Variants in ITGAD observed in about 807,000 individuals in gnomAD.
ITGAD encodes the protein integrin alpha-D.
Under a neutral mutation model 139.0 loss-of-function variants are expected in ITGAD, and 105 were observed. That is an observed-to-expected ratio of 0.76 (90% CI 0.65 to 0.89). The LOEUF is 0.89. Ranked by LOEUF, ITGAD falls within the 40% of genes least tolerant of loss-of-function variation. The pLI, the probability that ITGAD is intolerant of heterozygous loss-of-function variation, is 0.00. For missense variants in ITGAD, 1,384 were observed against 1,487.3 expected, an observed-to-expected ratio of 0.93 and a Z score of 1.14; for synonymous variants, 569 against 598.3, an observed-to-expected ratio of 0.95 and a Z score of 0.71.
chr16:31,393,448 C>A, intron 1 of ITGAD, 57 bp downstream of exon 1: 1 of 1,590,582 alleles, frequency 6.3e-7, no homozygotes, highest in Non-Finnish European at 8.6e-7. Context: ...GGGACTCCAT[C>A]TGGGAGGGCA....
chr16:31,411,147 C>T lies in ITGAD; in HGVS notation c.1428C>T (p.Leu476=), dbSNP rs765386741. 3 of 1,613,982 alleles carry T rather than the reference C, an allele frequency of 1.9e-6. No homozygotes were observed. The highest frequency in any genetic ancestry group is 1.7e-6 in the Non-Finnish European group (2 of 1,179,952). The change falls in exon 13 of 30, where the codon CTC becomes CTT. Residue 476 remains leucine, a synonymous_variant. Coordinates refer to ENST00000389202, the MANE Select transcript of ITGAD (RefSeq NM_005353.3). ...VDSDGSTDLI[L]IGAPHYYEQT... ...GCGATGGCAGCACCGACCTGATCCT[C>T]ATTGGGGCCCCCCATTACTATGAGC...
Position 31,411,100 on chromosome 16 carries a change from C to T in ITGAD, c.1381C>T (p.Leu461Phe). The T allele has an allele frequency of 6.2e-7, 1 of 1,612,652 alleles. No homozygotes were observed. The highest frequency in any genetic ancestry group is 8.5e-7 in the Non-Finnish European group (1 of 1,179,782). The change falls in exon 13 of 30, where the codon CTC becomes TTC. Residue 461 changes from leucine (L) to phenylalanine (F), a missense_variant. By Grantham distance (22) the Leu-to-Phe change is conservative. Transcript: ENST00000389202. ...TQIGSYFGAS[L>F]CSVDVDSDGS... ...GATCGGCTCCTACTTCGGGGCCTCC[C>T]TCTGCTCTGTGGATGTGGACAGCGA...
rs1597095031 is a variant in ITGAD, at chr16:31,393,382, C to T, written c.22C>T (p.Leu8Phe). The change falls in exon 1 of 30, where the codon CTT (leucine) becomes TTT (phenylalanine). Residue 8 changes from leucine (L) to phenylalanine (F), a missense_variant. By Grantham distance (22) the Leu-to-Phe change is conservative. Coordinates refer to ENST00000389202, the MANE Select transcript of ITGAD (RefSeq NM_005353.3). ...AGGGATGACCTTCGGCACTGTGCTT[C>T]TTCTGAGTGGTAAGTGGGGCCAGGG... MTFGTVL[L>F]LSVLASYHGF... 1 of 1,614,078 alleles carries T rather than the reference C, an allele frequency of 6.2e-7. No individual in the cohort carries two copies. Among genetic ancestry groups the T allele is most frequent in the East Asian group, 2.2e-5 (1 of 44,864 alleles).
rs770537634 is a variant in ITGAD, at chr16:31,397,895, C to T, written c.413C>T (p.Pro138Leu). ...CGCTGGGAGATCATCCAGACAGTCC[C>T]CGACGCCACGCCAGGTAGGTCCCTG... is the stretch of plus-strand genomic sequence containing the variant. Reference protein sequence around the residue: ...GSRWEIIQTVPDATPECPHQE... With the variant: ...GSRWEIIQTVLDATPECPHQE... The change falls in exon 5 of 30, where the codon CCC (proline) becomes CTC (leucine). Residue 138 changes from proline (P) to leucine (L), a missense_variant. Coordinates refer to ENST00000389202, the MANE Select transcript of ITGAD (RefSeq NM_005353.3). 4 of 1,612,276 alleles carry T rather than the reference C, an allele frequency of 2.5e-6. No homozygotes were observed. In the South Asian group the frequency reaches 4.4e-5, roughly 18 times the overall value.
In ITGAD at chr16:31,411,398, G is replaced by GAC. The variant is rs2081707681; in HGVS notation, c.1588_1589insAC (p.Val530AspfsTer2). On this transcript the variant is annotated frameshift_variant, in exon 14 of 30. Transcript: ENST00000389202. LOFTEE classifies it high-confidence loss of function. ...GGCAGCCCTGACAGTGTTGGGGGAT[G>GAC]TGAATGAGGACAAGCTGATAGACGT... The GAC allele has an allele frequency of 4.3e-6, 7 of 1,614,150 alleles. No homozygotes were observed. Among genetic ancestry groups the GAC allele is most frequent in the Non-Finnish European group, 5.9e-6 (7 of 1,180,010 alleles).
intron 9 of ITGAD, 46 bp from the exon 10 acceptor site, chr16:31,408,379 T>C (rs1423616448): frequency 4.6e-6 from 7 of 1,513,086 alleles, no homozygotes; most frequent in Non-Finnish European, 5.5e-6. Flanking sequence ...TGAGTCCTCA[T>C]GGGTCTCATG....
intron 18 of ITGAD, among the ~76,000 whole-genome samples, chr16:31,415,192 C>A (rs1439001488): frequency 6.6e-6 from 1 of 152,122 alleles, no homozygotes; most frequent in Non-Finnish European, 1.5e-5. Flanking sequence ...CTCCTGGTCC[C>A]AGCTGCTGCC....
At position 31,394,277 on chromosome 16, in the gene ITGAD, C is replaced by A. The variant is rs1429185321; in HGVS notation, c.73C>A (p.Pro25Thr). 6.2e-7 allele frequency: 1 copy of A among 1,613,980 alleles called. No homozygotes were observed. Among genetic ancestry groups the A allele is most frequent in the Non-Finnish European group, 8.5e-7 (1 of 1,179,940 alleles). Reference protein sequence around the residue: ...YHGFNLDVEEPTIFQEDAGGF... With the variant: ...YHGFNLDVEETTIFQEDAGGF... ...TGGATTCAACCTGGATGTGGAGGAGCCTACGATCTTCCAGGAGGATGCAGG... is the reference window on the plus strand; with the variant it reads ...TGGATTCAACCTGGATGTGGAGGAGACTACGATCTTCCAGGAGGATGCAGG... Residue 25 changes from proline (P) to threonine (T), a missense_variant, in exon 2 of 30, where the codon CCT becomes ACT. Transcript: ENST00000389202.
At chr16:31,413,025 C>T in intron 15 of ITGAD, 57 bp downstream of exon 15, 1 of 1,605,074 alleles carries the variant, frequency 6.2e-7, no homozygotes, top group Non-Finnish European at 8.5e-7. Flanking sequence ...CCGGTGCTGC[C>T]TCCCCAGCCA....
At chr16:31,412,749 AC>A in intron 14 of ITGAD, 88 bp from the exon 15 acceptor site, 1 of 1,546,684 alleles carries the variant, frequency 6.5e-7, no homozygotes, top group Non-Finnish European at 8.9e-7. Flanking sequence ...TCCCTTTGCC[AC>A]CATCCTACCT....
At chr16:31,424,678 A>C in intron 29 of ITGAD, 101 bp downstream of exon 29, 1 of 673,016 alleles carries the variant, frequency 1.5e-6, no homozygotes, top group Non-Finnish European at 2.4e-6. Flanking sequence ...GCTCACTGCA[A>C]CCTCCACCTC....
intron 10 of ITGAD, among the ~76,000 whole-genome samples, chr16:31,409,930 A>AAG (rs1555485948): frequency 6.6e-6 from 1 of 151,128 alleles, no homozygotes; most frequent in Non-Finnish European, 1.5e-5. Context: ...AAAAAAAAAA[A>AAG]AGAAAGGATG....
rs748506321 is a variant in ITGAD, at chr16:31,423,468, C to G, written c.2967+9C>G. ...TGGAGGCCCCATCTCAGGTACCCGC[C>G]TATCTCTCCTCTTTCTTCAGACTGA... On this transcript the variant is annotated intron_variant, in intron 25 of 29. Transcript: ENST00000389202. 1.2e-6 allele frequency: 2 copies of G among 1,611,454 alleles called. No individual in the cohort carries two copies. The highest frequency in any genetic ancestry group is 3.3e-5 in the Admixed American group (2 of 59,998).
intron 10 of ITGAD, among the ~76,000 whole-genome samples, chr16:31,409,036 G>A (rs913332366): frequency 3.9e-5 from 6 of 152,212 alleles, no homozygotes; most frequent in African/African-American, 1.4e-4. Flanking sequence ...GCTCATGCCT[G>A]TAATCCCAGC....
Position 31,418,484 on chromosome 16 carries a change from GAAC to G in ITGAD, c.2703_2705del (p.Asn902del), listed in dbSNP as rs765360515. On this transcript the variant is annotated inframe_deletion, in exon 23 of 30. Coordinates refer to ENST00000389202, the MANE Select transcript of ITGAD (RefSeq NM_005353.3). ...GGTCCCTCCTTTCTGTCTCCAGTGA[GAAC>G]AATAAGGCTTCAAGCAGCAAGGCCA... is the stretch of plus-strand genomic sequence containing the variant. 10 of 1,613,754 alleles carry G rather than the reference GAAC, an allele frequency of 6.2e-6. No individual in the cohort carries two copies. In the South Asian group the frequency reaches 1.1e-4, roughly 18 times the overall value.
intron 18 of ITGAD, 132 bp downstream of exon 18, chr16:31,415,123 C>A: frequency 2.0e-6 from 2 of 1,018,262 alleles, no homozygotes; most frequent in Non-Finnish European, 2.9e-6. Flanking sequence ...TCCCTTCCTC[C>A]TCACACCCAG....
chr16:31,407,319 A>C (rs1332761334), intron 7 of ITGAD, among the ~76,000 whole-genome samples, 196 bp from the exon 8 acceptor site: 1 of 152,178 alleles, frequency 6.6e-6, no homozygotes, highest in Non-Finnish European at 1.5e-5. Flanking sequence ...ACGCCACTGC[A>C]CTCCAGAGCC....
chr16:31,422,257 T>C (rs1196315507), intron 23 of ITGAD, among the ~76,000 whole-genome samples: 1 of 152,114 alleles, frequency 6.6e-6, no homozygotes, highest in Non-Finnish European at 1.5e-5. Context: ...TCATTTTTAC[T>C]AAAACTTTAG....
At chr16:31,410,210 G>A (rs2081649638) in intron 10 of ITGAD, among the ~76,000 whole-genome samples, 185 bp from the exon 11 acceptor site, 1 of 152,170 alleles carries the variant, frequency 6.6e-6, no homozygotes. Context: ...TGGAGAGTGA[G>A]AGGAGAGGGG....
Sources: allele counts gnomAD v4.1 joint callset (sites outside exome capture counted in the v4.1 genomes callset), GRCh38; gene constraint gnomAD v4.1.1; transcripts MANE v1.5; gene names NCBI Gene and HGNC (gene_info 2026-07-23, HGNC 2026-07-21).